The following PLXDC2 variants were observed in gnomAD, a reference collection of about 807,000 sequenced individuals.
The protein encoded by PLXDC2 is plexin domain-containing protein 2.
A neutral mutation model predicts 68.9 loss-of-function variants in PLXDC2; 40 were observed. That is an observed-to-expected ratio of 0.58 (90% confidence interval 0.45 to 0.76). PLXDC2 has a LOEUF of 0.76. Ranked by LOEUF, PLXDC2 falls within the 30% of genes least tolerant of loss-of-function variation. The pLI, the probability that PLXDC2 is intolerant of heterozygous loss-of-function variation, is 0.00. For synonymous variants in PLXDC2, 243 were observed against 234.2 expected (o/e 1.04, Z -0.34); for missense variants, 644 against 661.9 (o/e 0.97, Z 0.30).
intron 1 of PLXDC2, among the ~76,000 whole-genome samples, chr10:19,830,625 G>C (rs1325936088): frequency 6.6e-6 from 1 of 152,094 alleles, no homozygotes; most frequent in Non-Finnish European, 1.5e-5. Context: ...TCTTTTAATA[G>C]TGGCATATTT....
Position 20,279,690 on chromosome 10 carries a change from T to C in PLXDC2, c.1474-13T>C. On this transcript the variant is annotated splice_polypyrimidine_tract_variant and intron_variant, in intron 13 of 13. Coordinates refer to ENST00000377252, the MANE Select transcript of PLXDC2 (RefSeq NM_032812.9). ...CTGACGCACATTTTTTATTTTTGTG[T>C]TTTCTGTTTCAGAGACGCCCAAGCA... The C allele has an allele frequency of 6.2e-7, 1 of 1,610,704 alleles. No individual in the cohort carries two copies. The highest frequency in any genetic ancestry group is 8.5e-7 in the Non-Finnish European group (1 of 1,177,616).
chr10:20,002,586 G>A (rs1834961859), intron 2 of PLXDC2, among the ~76,000 whole-genome samples: 1 of 152,088 alleles, frequency 6.6e-6, no homozygotes, highest in Non-Finnish European at 1.5e-5. Context: ...AGTGCCATAA[G>A]CAAATCATCC....
intron 3 of PLXDC2, among the ~76,000 whole-genome samples, chr10:20,067,937 G>A (rs1313307879): frequency 6.6e-6 from 1 of 152,106 alleles, no homozygotes; most frequent in Admixed American, 6.5e-5. Context: ...ATTATTCAGT[G>A]GACAACTAAA....
chr10:19,994,507 AT>A (rs1834810226), intron 1 of PLXDC2, among the ~76,000 whole-genome samples: 1 of 149,812 alleles, frequency 6.7e-6, no homozygotes. Context: ...TCTCACCAAA[AT>A]TTACTAAATT....
At chr10:20,009,500 AC>A (rs1455582110) in intron 2 of PLXDC2, among the ~76,000 whole-genome samples, 1 of 151,894 alleles carries the variant, frequency 6.6e-6, no homozygotes, top group Non-Finnish European at 1.5e-5. Flanking sequence ...CACATCTTGG[AC>A]CTCCAAGTGT....
intron 1 of PLXDC2, among the ~76,000 whole-genome samples, chr10:19,897,963 G>A (rs191840986): frequency 1.2e-4 from 18 of 151,932 alleles, no homozygotes; most frequent in Admixed American, 1.2e-3. Context: ...TGTAATCAAT[G>A]AAACTGAAAA....
intron 9 of PLXDC2, among the ~76,000 whole-genome samples, chr10:20,178,917 A>T (rs545111112): frequency 7.2e-5 from 11 of 152,244 alleles, no homozygotes; most frequent in African/African-American, 2.2e-4. Context: ...TTAGTTATAT[A>T]TCCAAAGTAG....
At chr10:20,038,677 G>A (rs534288920) in intron 2 of PLXDC2, among the ~76,000 whole-genome samples, 2 of 152,160 alleles carry the variant, frequency 1.3e-5, no homozygotes, top group Non-Finnish European at 2.9e-5. Context: ...CTTTTCAAAT[G>A]TGTTTAAATA....
chr10:20,104,491 A>AT lies in PLXDC2; in HGVS notation c.541+36257dup, dbSNP rs541532414. 1.7e-3 allele frequency among the ~76,000 whole-genome samples: 259 copies of AT among 152,228 alleles called. 1 individual carries two copies. The highest frequency in any genetic ancestry group is 5.2e-3 in the African/African-American group (215 of 41,514). ...TGTATGACAGCATTCTGTAATACAT[A>AT]TTTTTATAGGTTATTTCAACTGCTC... On this transcript the variant is annotated intron_variant, in intron 4 of 13. Transcript: ENST00000377252.
intron 12 of PLXDC2, among the ~76,000 whole-genome samples, chr10:20,227,412 T>G (rs900530548): frequency 4.6e-5 from 7 of 152,166 alleles, no homozygotes; most frequent in African/African-American, 1.7e-4. Flanking sequence ...ATGGGCAGGA[T>G]TTCTGAGGAA....
At chr10:19,936,856 A>C (rs1251198028) in intron 1 of PLXDC2, among the ~76,000 whole-genome samples, 2 of 152,248 alleles carry the variant, frequency 1.3e-5, no homozygotes, top group African/African-American at 2.4e-5. Context: ...ATATGGAAAC[A>C]TCCAGAGATA....
intron 1 of PLXDC2, among the ~76,000 whole-genome samples, chr10:19,823,460 G>A (rs2131996529): frequency 6.6e-6 from 1 of 151,626 alleles, no homozygotes; most frequent in Non-Finnish European, 1.5e-5. Context: ...GAGGTGGGTA[G>A]ATCAAGAGGT....
chr10:20,198,533 A>T (rs1456807206), intron 9 of PLXDC2, among the ~76,000 whole-genome samples: 2 of 152,152 alleles, frequency 1.3e-5, no homozygotes, highest in South Asian at 2.1e-4. Flanking sequence ...TCAACTTTTA[A>T]CTCTTAGTTA....
chr10:20,110,989 C>G (rs928261244), intron 4 of PLXDC2, among the ~76,000 whole-genome samples: 1 of 152,164 alleles, frequency 6.6e-6, no homozygotes, highest in African/African-American at 2.4e-5. Flanking sequence ...TGCTCACCCC[C>G]TGACCAGGGT....
At chr10:19,863,092 A>G (rs558261048) in intron 1 of PLXDC2, among the ~76,000 whole-genome samples, 6 of 152,328 alleles carry the variant, frequency 3.9e-5, no homozygotes, top group African/African-American at 1.2e-4. Context: ...AATCTTTACC[A>G]TGTAAAATGA....
At chr10:19,952,552 A>G (rs945291887) in intron 1 of PLXDC2, among the ~76,000 whole-genome samples, 4 of 152,244 alleles carry the variant, frequency 2.6e-5, no homozygotes, top group African/African-American at 7.2e-5. Context: ...GAAATGCAGG[A>G]AATTCCATTT....
intron 4 of PLXDC2, among the ~76,000 whole-genome samples, chr10:20,070,522 G>A (rs979803375): frequency 2.6e-5 from 4 of 152,058 alleles, no homozygotes; most frequent in Admixed American, 6.6e-5. Context: ...TGACCTCATC[G>A]GATATATCCA....
intron 1 of PLXDC2, among the ~76,000 whole-genome samples, chr10:19,872,955 C>G (rs17756821): frequency 0.045 from 6,817 of 152,216 alleles, 196 homozygotes; most frequent in Middle Eastern, 0.12. Context: ...CATATCTAAT[C>G]TTTATGCTGA....
chr10:19,872,833 A>AT (rs1415065233), intron 1 of PLXDC2, among the ~76,000 whole-genome samples: 1 of 152,108 alleles, frequency 6.6e-6, no homozygotes, highest in Non-Finnish European at 1.5e-5. Context: ...TGTAAAAAAA[A>AT]CACACCATTT....
Sources: gnomAD v4.1 joint callset for allele counts (sites outside exome capture counted in the v4.1 genomes callset) on GRCh38, gnomAD v4.1.1 for gene constraint, MANE v1.5 for transcripts, NCBI Gene and HGNC (gene_info 2026-07-23, HGNC 2026-07-21) for gene names.